The following PRKD1 variants were observed in gnomAD, a reference collection of about 807,000 sequenced individuals.
PRKD1 encodes protein kinase D1.
A neutral mutation model predicts 95.9 loss-of-function variants in PRKD1; 63 were observed. The ratio of observed to expected loss-of-function variants is 0.66; its 90% CI spans 0.54 to 0.81. The LOEUF (loss-of-function observed/expected upper bound fraction) is 0.81. Among genes scored for constraint, PRKD1 ranks in the 30% least tolerant of loss-of-function variants. The pLI is 0.00. For synonymous variants in PRKD1, 425 were observed against 423.1 expected (o/e 1.00, Z -0.05); for missense variants, 1,048 against 1,165.3 (o/e 0.90, Z 1.47).
At chr14:29,741,194 T>C (rs1002652590) in intron 1 of PRKD1, among the ~76,000 whole-genome samples, 1 of 152,158 alleles carries the variant, frequency 6.6e-6, no homozygotes, top group Non-Finnish European at 1.5e-5. Context: ...AAATTGTTTA[T>C]ACAACAAACT....
intron 1 of PRKD1, among the ~76,000 whole-genome samples, chr14:29,773,774 C>G (rs1054231785): frequency 1.3e-5 from 2 of 152,146 alleles, no homozygotes; most frequent in African/African-American, 4.8e-5. Flanking sequence ...AGACTGCAAG[C>G]TGCACACGAG....
intron 13 of PRKD1, among the ~76,000 whole-genome samples, chr14:29,613,999 C>G (rs1279901522): frequency 2.0e-5 from 3 of 152,204 alleles, no homozygotes; most frequent in African/African-American, 7.2e-5. Flanking sequence ...TGAATCCTAA[C>G]AGTCCACACA....
intron 1 of PRKD1, among the ~76,000 whole-genome samples, chr14:29,925,899 G>A (rs1895278115): frequency 1.3e-5 from 2 of 152,196 alleles, no homozygotes; most frequent in Non-Finnish European, 1.5e-5. Flanking sequence ...GTGCCTAGGA[G>A]TGCTCCTGCT....
At chr14:29,598,817 G>A (rs1893406312) in intron 15 of PRKD1, among the ~76,000 whole-genome samples, 1 of 152,210 alleles carries the variant, frequency 6.6e-6, no homozygotes, top group Non-Finnish European at 1.5e-5. Flanking sequence ...GGCAGAATGA[G>A]AAGGCACTTT....
At chr14:29,865,510 A>G (rs1290366813) in intron 1 of PRKD1, among the ~76,000 whole-genome samples, 1 of 152,162 alleles carries the variant, frequency 6.6e-6, no homozygotes, top group Non-Finnish European at 1.5e-5. Flanking sequence ...GTTCATTATC[A>G]CAAGAGTGGC....
intron 1 of PRKD1, among the ~76,000 whole-genome samples, chr14:29,751,903 C>T (rs1361065036): frequency 4.6e-5 from 7 of 152,204 alleles, no homozygotes; most frequent in African/African-American, 7.2e-5. Context: ...AGCACATACA[C>T]ATGTGTACAC....
intron 1 of PRKD1, among the ~76,000 whole-genome samples, chr14:29,741,860 T>A (rs866186772): frequency 3.2e-4 from 48 of 152,106 alleles, no homozygotes; most frequent in South Asian, 1.0e-3. Context: ...TGATTTTTTT[T>A]AAAAAAACTC....
chr14:29,892,852 A>C (rs1018758196), intron 1 of PRKD1, among the ~76,000 whole-genome samples: 14 of 152,200 alleles, frequency 9.2e-5, no homozygotes, highest in Admixed American at 1.3e-4. Context: ...ACAAATAAGA[A>C]TCTGTCAACA....
chr14:29,764,055 T>C (rs1888149918), intron 1 of PRKD1, among the ~76,000 whole-genome samples: 1 of 152,140 alleles, frequency 6.6e-6, no homozygotes, highest in Non-Finnish European at 1.5e-5. Flanking sequence ...TCTTTTACAA[T>C]AATACTTGAA....
intron 2 of PRKD1, among the ~76,000 whole-genome samples, chr14:29,671,706 T>C (rs1422102646): frequency 6.6e-6 from 1 of 152,182 alleles, no homozygotes; most frequent in African/African-American, 2.4e-5. Context: ...AAATGAATTA[T>C]AGATGAGTAC....
chr14:29,752,233 T>C (rs1887509338), intron 1 of PRKD1, among the ~76,000 whole-genome samples: 2 of 152,346 alleles, frequency 1.3e-5, no homozygotes, highest in African/African-American at 4.8e-5. Context: ...ACATACCTCT[T>C]ATATCAATAA....
chr14:29,866,990 C>A (rs936023751), intron 1 of PRKD1, among the ~76,000 whole-genome samples: 1 of 152,086 alleles, frequency 6.6e-6, no homozygotes, highest in African/African-American at 2.4e-5. Context: ...CCTCTTACAC[C>A]CATAGTCTCA....
At chr14:29,746,319 A>C (rs1264992713) in intron 1 of PRKD1, among the ~76,000 whole-genome samples, 2 of 152,066 alleles carry the variant, frequency 1.3e-5, no homozygotes, top group Non-Finnish European at 2.9e-5. Flanking sequence ...TCACCTTGCT[A>C]ATTTATCTAC....
Position 29,734,028 on chromosome 14 carries a change from C to CTTTTT in PRKD1, c.265-8359_265-8355dup, listed in dbSNP as rs58908662. ...CTGGTTTTGAGTCATACTTTCCTGC[C>CTTTTT]TTTTTTTTTTTTTTTTTTTTTTTTT... On this transcript the variant is annotated intron_variant, in intron 1 of 17. Coordinates refer to ENST00000331968, the MANE Select transcript of PRKD1 (RefSeq NM_002742.3). Among the ~76,000 whole-genome samples, 74 of 64,670 alleles carry CTTTTT rather than the reference C, an allele frequency of 1.1e-3. 9 individuals carry two copies. The highest frequency in any genetic ancestry group is 1.3e-3 in the African/African-American group (16 of 12,726). The allele number at this position is 64,670 out of a possible 152,430, so 42.4% of individuals were successfully genotyped here.
intron 1 of PRKD1, among the ~76,000 whole-genome samples, chr14:29,744,641 G>T (rs1012644371): frequency 6.6e-6 from 1 of 152,080 alleles, no homozygotes; most frequent in African/African-American, 2.4e-5. Context: ...CTACCTCCCG[G>T]GTTCAAGTGA....
At chr14:29,698,418 T>C (rs1884650516) in intron 2 of PRKD1, among the ~76,000 whole-genome samples, 1 of 152,166 alleles carries the variant, frequency 6.6e-6, no homozygotes, top group Non-Finnish European at 1.5e-5. Context: ...AGAGAAAAGA[T>C]ATATTAAAAA....
At chr14:29,596,485 A>C (rs1043148223) in intron 16 of PRKD1, among the ~76,000 whole-genome samples, 5 of 151,956 alleles carry the variant, frequency 3.3e-5, no homozygotes, top group Non-Finnish European at 1.5e-5. Flanking sequence ...ATGGAGTCTT[A>C]CTCTGTTGCC....
At chr14:29,781,508 C>T (rs963507340) in intron 1 of PRKD1, among the ~76,000 whole-genome samples, 1 of 152,144 alleles carries the variant, frequency 6.6e-6, no homozygotes, top group Non-Finnish European at 1.5e-5. Context: ...AAGTTGCAGC[C>T]ACCAAATGCA....
rs536409538 is a variant in PRKD1, at chr14:29,777,665, A to C, written c.265-51991T>G. On this transcript the variant is annotated intron_variant, in intron 1 of 17. Coordinates refer to ENST00000331968, the MANE Select transcript of PRKD1 (RefSeq NM_002742.3). Reference sequence around the variant, plus strand: ...AAAGCAAGTCCTTAGAGACCTACAAAGAGACTTAGACTCCCACACAGTAAT... The same window carrying C: ...AAAGCAAGTCCTTAGAGACCTACAACGAGACTTAGACTCCCACACAGTAAT... Among the ~76,000 whole-genome samples the C allele has an allele frequency of 2.6e-5, 4 of 152,320 alleles. No homozygotes were observed. The South Asian group carries it at 8.3e-4, about 32-fold the overall frequency.
Sources: allele counts gnomAD v4.1 joint callset (sites outside exome capture counted in the v4.1 genomes callset), GRCh38; gene constraint gnomAD v4.1.1; transcripts MANE v1.5; gene names NCBI Gene and HGNC (gene_info 2026-07-23, HGNC 2026-07-21).